The following STOX2 variants were observed in gnomAD, a reference collection of about 807,000 sequenced individuals.
The protein encoded by STOX2 is storkhead box 2, also known as storkhead-box protein 2.
In STOX2, 28 loss-of-function variants were observed where a neutral mutation model predicts 60.9. The ratio of observed to expected loss-of-function variants is 0.46; its 90% CI spans 0.34 to 0.63. The LOEUF is 0.63. STOX2 is among the 30% of genes least tolerant of loss of function. The pLI, the probability that STOX2 is intolerant of heterozygous loss-of-function variation, is 0.01. For synonymous variants in STOX2, 472 were observed against 463.9 expected, an observed-to-expected ratio of 1.02 and a Z score of -0.22; for missense variants, 1,024 against 1,187.7, an observed-to-expected ratio of 0.86 and a Z score of 2.03.
chr4:183,995,814 G>C (rs1733315394), intron 1 of STOX2, among the ~76,000 whole-genome samples: 1 of 152,154 alleles, frequency 6.6e-6, no homozygotes, highest in South Asian at 2.1e-4. Context: ...GCCTGCCCCA[G>C]GGGAGCCTGA....
rs1325192910 is a variant in STOX2 at position 184,001,052 on chromosome 4, T to G, written c.167-273T>G. ...AAATAAAAGCCTGTTGTTGCAAGAC[T>G]TTCAGTACTAGGACTATTTAAATGA... On this transcript the variant is annotated intron_variant, in intron 1 of 3. Transcript: ENST00000308497. This position sits in a 1 kb window ranked among gnomAD's most constrained non-coding sequence, Gnocchi z 4.2. Among the ~76,000 whole-genome samples the G allele has an allele frequency of 6.6e-6, 1 of 152,192 alleles. No homozygotes were observed. Among genetic ancestry groups the G allele is most frequent in the Non-Finnish European group, 1.5e-5 (1 of 68,044 alleles).
chr4:184,003,219 T>C (rs1407110156), intron 2 of STOX2, among the ~76,000 whole-genome samples: 1 of 152,206 alleles, frequency 6.6e-6, no homozygotes, highest in Non-Finnish European at 1.5e-5. Context: ...ATCCTTTTAT[T>C]TTTATATAGC....
chr4:183,992,477 AG>A (rs1285871670), intron 1 of STOX2, among the ~76,000 whole-genome samples: 1 of 152,242 alleles, frequency 6.6e-6, no homozygotes, highest in Non-Finnish European at 1.5e-5. Flanking sequence ...GTGTTAGGCC[AG>A]GTTATGCTGC....
intron 1 of STOX2, among the ~76,000 whole-genome samples, chr4:183,893,310 G>A (rs1741269533): frequency 6.6e-6 from 1 of 152,308 alleles, no homozygotes; most frequent in Non-Finnish European, 1.5e-5. Context: ...AGTAGGCTGG[G>A]ACCAGTGTGG....
chr4:183,885,888 T>C (rs1370180440), intron 1 of STOX2, among the ~76,000 whole-genome samples: 1 of 152,242 alleles, frequency 6.6e-6, no homozygotes, highest in Admixed American at 6.5e-5. Flanking sequence ...ACGCATCTCA[T>C]TGCCCCATTA....
intron 1 of STOX2, among the ~76,000 whole-genome samples, chr4:183,928,938 A>G (rs530077213): frequency 6.6e-6 from 1 of 152,360 alleles, no homozygotes; most frequent in South Asian, 2.1e-4. Flanking sequence ...TGAGAAAGTC[A>G]TAGCTCTTAC....
rs772058475 is a variant in STOX2, at chr4:184,009,545, C to A, written c.707C>A (p.Pro236His). 34 of 1,613,846 alleles carry A rather than the reference C, an allele frequency of 2.1e-5. No homozygotes were observed. The highest frequency in any genetic ancestry group is 1.2e-4 in the Admixed American group (7 of 59,996). The change falls in exon 3 of 4, where the codon CCC (proline) becomes CAC (histidine). Residue 236 changes from proline (P) to histidine (H), a missense_variant. Pro to His is a moderately conservative substitution (Grantham distance 77). Around this residue, in one of 3 missense-constraint regions of STOX2, gnomAD observed 922 missense variants for 1,058.3 expected, o/e 0.87. Coordinates refer to ENST00000308497, the MANE Select transcript of STOX2 (RefSeq NM_020225.3). The surrounding 1 kb of genome is among the most constrained non-coding windows in gnomAD (Gnocchi z 4.0). ...YCPPSLCQVP[P>H]TEKSKSTVNF... ...CCCCCTTCTCTGTGCCAGGTGCCAC[C>A]CACTGAAAAGAGCAAAAGTACTGTA...
rs1202080986 is a variant in STOX2 at position 184,022,407 on chromosome 4, G to A, written c.*5123G>A. 1.3e-5 allele frequency: 2 copies of A among 152,090 alleles called. No homozygotes were observed. The highest frequency in any genetic ancestry group is 2.9e-5 in the Non-Finnish European group (2 of 68,040). 9.4% of individuals were successfully genotyped at this position (152,090 alleles called of 1,614,324 possible). A position where few individuals can be genotyped will look rare whatever the true frequency, so the allele number is the denominator to read the frequency against. On this transcript the variant is annotated 3_prime_UTR_variant, in exon 4 of 4. Transcript: ENST00000308497. ...CAGTCCTGTGATTTTACAGTTCTAT[G>A]ACTTACAGTTGATGATTCACAAGAT...
rs1741022438 is a variant in STOX2, at chr4:183,884,164, A to G, written c.364+86109A>G. Among the ~76,000 whole-genome samples, 3 of 152,326 alleles carry G rather than the reference A, an allele frequency of 2.0e-5. No individual in the cohort carries two copies. In the East Asian group the frequency reaches 5.8e-4, roughly 29 times the overall value. Reference sequence around the variant, plus strand: ...CCACTGCGCCTGGCCCAAAACTAGTAAATTTTAACATGATGCTTTTCTAAG... The same window carrying G: ...CCACTGCGCCTGGCCCAAAACTAGTGAATTTTAACATGATGCTTTTCTAAG... On this transcript the variant is annotated intron_variant, in intron 1 of 2. Coordinates refer to the STOX2 transcript ENST00000513034.
chr4:183,876,195 CAG>C (rs777418891), intron 1 of STOX2, among the ~76,000 whole-genome samples: 4 of 152,188 alleles, frequency 2.6e-5, no homozygotes, highest in Non-Finnish European at 5.9e-5. Context: ...AGTTCTCTGA[CAG>C]AGACTGTCTA....
intron 1 of STOX2, among the ~76,000 whole-genome samples, chr4:183,849,848 C>T (rs1180244162): frequency 6.6e-6 from 1 of 152,134 alleles, no homozygotes; most frequent in Admixed American, 6.5e-5. Context: ...ATTTTATTGC[C>T]CCATGATTTT....
At chr4:183,876,102 A>G (rs1024798169) in intron 1 of STOX2, among the ~76,000 whole-genome samples, 1 of 152,202 alleles carries the variant, frequency 6.6e-6, no homozygotes, top group African/African-American at 2.4e-5. Flanking sequence ...CTTGATCCCC[A>G]TGAGTTCTCC....
At chr4:184,008,954 C>T (rs955401629) in intron 2 of STOX2, among the ~76,000 whole-genome samples, 1 of 152,168 alleles carries the variant, frequency 6.6e-6, no homozygotes, top group Non-Finnish European at 1.5e-5. Context: ...GCTTTTATAT[C>T]TGCTCATTCT....
intron 1 of STOX2, among the ~76,000 whole-genome samples, chr4:183,947,174 TTTAAA>T (rs1178267210): frequency 1.3e-5 from 2 of 152,210 alleles, no homozygotes; most frequent in African/African-American, 4.8e-5. Flanking sequence ...TCCTGTATAC[TTTAAA>T]TTAATTCTAC....
chr4:183,869,616 C>T (rs1255366205), intron 1 of STOX2, among the ~76,000 whole-genome samples: 7 of 152,164 alleles, frequency 4.6e-5, no homozygotes, highest in Admixed American at 4.6e-4. Context: ...TCATTTATCA[C>T]ACTATTAGCT....
intron 1 of STOX2, among the ~76,000 whole-genome samples, chr4:183,882,979 A>G (rs1024539580): frequency 1.3e-5 from 2 of 152,376 alleles, no homozygotes; most frequent in African/African-American, 4.8e-5. Flanking sequence ...TTGGAGATTT[A>G]AAATTTAGAC....
At chr4:183,804,911 T>A (rs1738850263) in intron 1 of STOX2, among the ~76,000 whole-genome samples, 1 of 152,240 alleles carries the variant, frequency 6.6e-6, no homozygotes, top group African/African-American at 2.4e-5. Flanking sequence ...GTTTGTTTCC[T>A]TGTGGGTTTA....
intron 1 of STOX2, among the ~76,000 whole-genome samples, chr4:183,870,555 T>A (rs760595565): frequency 3.3e-5 from 5 of 152,254 alleles, no homozygotes; most frequent in Non-Finnish European, 7.3e-5. Context: ...CAAATGATGG[T>A]GGTTTATAAA....
rs1241622992 is a variant in STOX2 at position 183,806,475 on chromosome 4, T to G, written c.364+8420T>G. On this transcript the variant is annotated intron_variant, in intron 1 of 2. Transcript: ENST00000513034. The surrounding 1 kb of genome is among the most constrained non-coding windows in gnomAD (Gnocchi z 4.1). ...GGAATCCAGTCTGGGGCGCCCCATC[T>G]TCCTGCCGCCTGAGGTTGCTGCAGC... Among the ~76,000 whole-genome samples, 1 of 152,138 alleles carries G rather than the reference T, an allele frequency of 6.6e-6. No individual in the cohort carries two copies. The highest frequency in any genetic ancestry group is 1.9e-4 in the East Asian group (1 of 5,184).
Sources: gnomAD v4.1 joint callset for allele counts (sites outside exome capture counted in the v4.1 genomes callset) on GRCh38, gnomAD v4.1.1 for gene constraint, gnomAD v4.1.1 regional missense constraint, Gnocchi (gnomAD v3.1) non-coding constraint, MANE v1.5 for transcripts, NCBI Gene and HGNC (gene_info 2026-07-23, HGNC 2026-07-21) for gene names.